PARVB: variants seen among roughly 807,000 people sequenced by gnomAD.
PARVB encodes the protein parvin beta.
PARVB carries 46 observed loss-of-function variants against 47.0 expected under a neutral mutation model. That is an observed-to-expected ratio of 0.98 (90% CI 0.77 to 1.25). PARVB has a LOEUF of 1.25. Among genes scored for constraint, PARVB ranks in the 50% most tolerant of loss-of-function variants. The probability of loss-of-function intolerance (pLI) is 0.00; values close to 1 mark genes in which losing one functional copy is unlikely to be tolerated. For synonymous variants in PARVB, 196 were observed against 196.3 expected, an observed-to-expected ratio of 1.00 and a Z score of 0.01; for missense variants, 473 against 471.6, an observed-to-expected ratio of 1.00 and a Z score of -0.03.
intron 4 of PARVB, among the ~76,000 whole-genome samples, chr22:44,131,091 T>TCC: frequency 8.6e-6 from 1 of 115,974 alleles, no homozygotes; most frequent in Non-Finnish European, 1.8e-5. Flanking sequence ...TTTTCTTTCT[T>TCC]CTCTCTCTCT....
intron 3 of PARVB, chr22:44,115,575 A>G (rs867190497): frequency 1.9e-5 from 1 of 52,100 alleles, no homozygotes; most frequent in Admixed American, 2.1e-4. Context: ...CTAAGGCCCT[A>G]CAGCAACACA....
chr22:44,074,054 C>A (rs6006484), intron 1 of PARVB, among the ~76,000 whole-genome samples: 1 of 152,126 alleles, frequency 6.6e-6, no homozygotes, highest in African/African-American at 2.4e-5. Context: ...ATCCTCTGTT[C>A]GGGTTGAAGA....
chr22:44,004,657 A>G (rs956795756), intron 2 of PARVB, among the ~76,000 whole-genome samples: 1 of 152,240 alleles, frequency 6.6e-6, no homozygotes, highest in Non-Finnish European at 1.5e-5. Context: ...CGCCTCACGT[A>G]GTTCCTGCCT....
chr22:44,163,917 G>A lies in PARVB; in HGVS notation c.1005G>A (p.Lys335=). 1.9e-6 allele frequency: 3 copies of A among 1,610,102 alleles called. No homozygotes were observed. Among genetic ancestry groups the A allele is most frequent in the Non-Finnish European group, 2.5e-6 (3 of 1,178,170 alleles). Residue 335 remains lysine (K), a synonymous_variant, in exon 12 of 13, where the codon AAG becomes AAA. Transcript: ENST00000338758. ...LMLDGGLKKP[K]ARPEDVVNLD... is the part of the protein sequence containing the mutation. The stretch of plus-strand genomic sequence containing the variant: ...TGGACGGAGGCCTCAAGAAACCCAA[G>A]GCTCGTCCTGAAGGTAATGCCCCTG...
rs117722403 is a variant in PARVB at position 44,140,486 on chromosome 22, G to A, written c.712+343G>A. The A allele has an allele frequency of 1.9e-4, 122 of 626,364 alleles. 1 individual carries two copies. Among genetic ancestry groups the A allele is most frequent in the Middle Eastern group, 5.4e-4 (2 of 3,732 alleles). 38.8% of individuals were successfully genotyped at this position (626,364 alleles called of 1,614,324 possible). Reference sequence around the variant, plus strand: ...GGGTAAAAGGGAGGGAGGAGAGGCAGCCAGCACATGGAGCGTCGTTAGCTG... The same window carrying A: ...GGGTAAAAGGGAGGGAGGAGAGGCAACCAGCACATGGAGCGTCGTTAGCTG... On this transcript the variant is annotated intron_variant, in intron 8 of 12. Coordinates refer to ENST00000338758, the MANE Select transcript of PARVB (RefSeq NM_013327.5).
At chr22:44,117,419 G>A (rs951055650) in intron 3 of PARVB, among the ~76,000 whole-genome samples, 8 of 152,064 alleles carry the variant, frequency 5.3e-5, no homozygotes, top group African/African-American at 1.9e-4. Flanking sequence ...TGGGAACTGA[G>A]GGGGTTCGGG....
intron 8 of PARVB, chr22:44,143,261 C>T (rs1363051511): frequency 1.3e-5 from 2 of 152,452 alleles, no homozygotes; most frequent in Admixed American, 1.3e-4. Context: ...GGCCTGGCTC[C>T]TCTTCCCTGT....
chr22:44,062,928 C>T (rs1374486114), intron 1 of PARVB, among the ~76,000 whole-genome samples: 1 of 152,208 alleles, frequency 6.6e-6, no homozygotes, highest in Non-Finnish European at 1.5e-5. Context: ...TCCAGCCCCT[C>T]TCCCCTTTCT....
At chr22:44,110,557 CCA>C (rs1369321874) in intron 3 of PARVB, 3 of 151,912 alleles carry the variant, frequency 2.0e-5, no homozygotes, top group Non-Finnish European at 2.9e-5. Flanking sequence ...TTTTGGCAAT[CCA>C]GGAGTCCTTT....
At chr22:44,018,517 C>T (rs1286258680) in intron 2 of PARVB, among the ~76,000 whole-genome samples, 1 of 152,218 alleles carries the variant, frequency 6.6e-6, no homozygotes, top group African/African-American at 2.4e-5. Context: ...TTCCACCCTT[C>T]ACTTCCCTAA....
chr22:44,024,722 C>T (rs1490560979), intron 1 of PARVB, among the ~76,000 whole-genome samples: 1 of 152,086 alleles, frequency 6.6e-6, no homozygotes, highest in East Asian at 1.9e-4. Flanking sequence ...CCGTGCGGGG[C>T]CCGCGCCTGC....
intron 11 of PARVB, among the ~76,000 whole-genome samples, chr22:44,162,082 T>C (rs1290145100): frequency 6.6e-6 from 1 of 152,178 alleles, no homozygotes; most frequent in East Asian, 1.9e-4. Context: ...CAGACCCTCT[T>C]GCGGTTGGTG....
At chr22:44,034,672 ACT>A in intron 1 of PARVB, among the ~76,000 whole-genome samples, 1 of 113,958 alleles carries the variant, frequency 8.8e-6, no homozygotes, top group African/African-American at 2.7e-5. Context: ...GGAAAGAGGC[ACT>A]GACCCCCATG....
chr22:44,101,169 G>T (rs1179100251), intron 3 of PARVB, among the ~76,000 whole-genome samples: 1 of 152,088 alleles, frequency 6.6e-6, no homozygotes, highest in Admixed American at 6.5e-5. Context: ...CAGCACTTTG[G>T]GAGGCCGAGG....
chr22:44,108,333 C>T (rs1336067771), intron 3 of PARVB: 1 of 152,260 alleles, frequency 6.6e-6, no homozygotes, highest in African/African-American at 2.4e-5. Flanking sequence ...GCCCCATCTG[C>T]AGCTGGTGTC....
chr22:44,029,766 C>T (rs889145161), intron 1 of PARVB, among the ~76,000 whole-genome samples: 3 of 152,074 alleles, frequency 2.0e-5, no homozygotes, highest in African/African-American at 7.2e-5. Context: ...AAAAATTAGC[C>T]GGGCGTGGTG....
intron 8 of PARVB, chr22:44,147,502 G>A: frequency 2.6e-6 from 1 of 379,494 alleles, no homozygotes. Flanking sequence ...CAGTAGACAA[G>A]GAGTGTGGGA....
intron 1 of PARVB, among the ~76,000 whole-genome samples, chr22:44,039,487 C>T (rs1370121753): frequency 2.0e-5 from 3 of 150,864 alleles, no homozygotes; most frequent in Non-Finnish European, 4.4e-5. Flanking sequence ...GTTGCAGTGG[C>T]AGTCAATATC....
intron 1 of PARVB, among the ~76,000 whole-genome samples, chr22:44,087,666 C>A (rs997847844): frequency 1.3e-5 from 2 of 151,498 alleles, no homozygotes; most frequent in Middle Eastern, 3.2e-3. Flanking sequence ...GGGAAAGAGC[C>A]TGGGCATAAA....
Sources: gnomAD v4.1 joint callset for allele counts (sites outside exome capture counted in the v4.1 genomes callset) on GRCh38, gnomAD v4.1.1 for gene constraint, MANE v1.5 for transcripts, NCBI Gene and HGNC (gene_info 2026-07-23, HGNC 2026-07-21) for gene names.